OOSP3: variants seen among roughly 807,000 people sequenced by gnomAD.
OOSP3 encodes the protein oocyte-secreted protein 3.
At chr11:59,887,130 T>G (rs114532637) in intron 2 of OOSP3, among the ~76,000 whole-genome samples, 4,213 of 151,990 alleles carry the variant, frequency 0.028, 200 homozygotes, top group African/African-American at 0.092. Context: ...TGTTGTTTTT[T>G]TTTTTGTAAA....
intron 3 of OOSP3, 50 bp downstream of exon 3, chr11:59,894,226 G>T: frequency 2.5e-6 from 1 of 398,146 alleles, no homozygotes; most frequent in South Asian, 1.3e-4. Flanking sequence ...AAGAACTAAT[G>T]AAAAGGAAAA....
chr11:59,879,856 C>T (rs543683308), intron 1 of OOSP3, among the ~76,000 whole-genome samples: 4 of 152,242 alleles, frequency 2.6e-5, no homozygotes, highest in African/African-American at 9.6e-5. Context: ...GGATGAGAGT[C>T]AGAGGCCATA....
intron 1 of OOSP3, 96 bp downstream of exon 1, chr11:59,878,977 CA>C (rs1229337816): frequency 2.5e-6 from 1 of 397,220 alleles, no homozygotes; most frequent in East Asian, 3.6e-5. Flanking sequence ...AGTGACTTTC[CA>C]GTATAGTTTT....
chr11:59,882,575 A>C (rs1853214872), intron 2 of OOSP3, among the ~76,000 whole-genome samples: 1 of 152,192 alleles, frequency 6.6e-6, no homozygotes, highest in Non-Finnish European at 1.5e-5. Flanking sequence ...AAAGGGCAGG[A>C]TCTAGAATTT....
chr11:59,878,796 G>A (rs1853176123), upstream of OOSP3: 1 of 398,366 alleles, frequency 2.5e-6, no homozygotes, highest in South Asian at 1.3e-4. Flanking sequence ...GTCATTAGTT[G>A]GCAGCTGACG....
At chr11:59,895,285 C>CTT (rs763923971) in intron 3 of OOSP3, among the ~76,000 whole-genome samples, 3 of 121,840 alleles carry the variant, frequency 2.5e-5, no homozygotes, top group African/African-American at 6.0e-5. Flanking sequence ...TATGGTAGGA[C>CTT]TTTTTTTTTT....
chr11:59,878,805 C>T (rs931324547), upstream of OOSP3: 60 of 398,504 alleles, frequency 1.5e-4, no homozygotes, highest in East Asian at 1.4e-3. Context: ...TGGCAGCTGA[C>T]GTCATGAAAG....
rs544092651 is a variant in OOSP3, at chr11:59,887,104, T to C, written c.252+6665T>C. Among the ~76,000 whole-genome samples the C allele has an allele frequency of 2.7e-5, 4 of 150,838 alleles. No individual in the cohort carries two copies. In the South Asian group the frequency reaches 8.3e-4, roughly 31 times the overall value. On this transcript the variant is annotated intron_variant, in intron 2 of 4. Coordinates refer to ENST00000646438, the Ensembl canonical transcript of OOSP3. The stretch of plus-strand genomic sequence containing the variant: ...GCCACCACACCCCTTTGCCCACTTT[T>C]TAATGGTTTTTTTTTTGTTGTTTTT...
exon 5 of OOSP3, chr11:59,896,256 CTTAAAAT>C (rs758861283): frequency 2.8e-5 from 11 of 398,076 alleles, no homozygotes; most frequent in Non-Finnish European, 4.9e-5. Flanking sequence ...CTACAGCTTA[CTTAAAAT>C]TTAATTTTTG....
intron 2 of OOSP3, among the ~76,000 whole-genome samples, chr11:59,887,941 G>A (rs530768535): frequency 6.6e-6 from 1 of 152,224 alleles, no homozygotes; most frequent in South Asian, 2.1e-4. Context: ...AGCATGGAAT[G>A]TTTTTTTCAT....
chr11:59,882,488 T>C (rs1853213361), intron 2 of OOSP3, among the ~76,000 whole-genome samples: 1 of 152,200 alleles, frequency 6.6e-6, no homozygotes, highest in South Asian at 2.1e-4. Context: ...CTTTGAGTTT[T>C]ATGAGTCAAA....
intron 2 of OOSP3, 82 bp from the exon 3 acceptor site, chr11:59,893,997 T>C (rs1036842187): frequency 5.0e-6 from 2 of 396,942 alleles, no homozygotes; most frequent in Non-Finnish European, 8.9e-6. Context: ...TTACATCTTA[T>C]CTTGATCTGT....
intron 2 of OOSP3, among the ~76,000 whole-genome samples, chr11:59,883,635 A>G (rs773011205): frequency 4.0e-4 from 61 of 152,326 alleles, no homozygotes; most frequent in Non-Finnish European, 7.8e-4. Flanking sequence ...ATTTTTCTGA[A>G]TGAATAACAA....
At chr11:59,893,376 A>G (rs991234493) in intron 2 of OOSP3, among the ~76,000 whole-genome samples, 2 of 151,786 alleles carry the variant, frequency 1.3e-5, no homozygotes, top group African/African-American at 4.8e-5. Flanking sequence ...TTCTTTTTTG[A>G]CAGAGTCTTG....
intron 2 of OOSP3, among the ~76,000 whole-genome samples, chr11:59,893,216 T>G (rs1475047852): frequency 6.6e-6 from 1 of 152,224 alleles, no homozygotes; most frequent in Admixed American, 6.5e-5. Context: ...ATGAGAATAT[T>G]TGTTGCATTA....
At chr11:59,893,365 T>A (rs920762120) in intron 2 of OOSP3, among the ~76,000 whole-genome samples, 3 of 152,212 alleles carry the variant, frequency 2.0e-5, no homozygotes, top group African/African-American at 7.2e-5. Context: ...GTGGCTTTTT[T>A]TTCTTTTTTG....
At chr11:59,887,719 G>A (rs1348333270) in intron 2 of OOSP3, among the ~76,000 whole-genome samples, 3 of 152,160 alleles carry the variant, frequency 2.0e-5, no homozygotes, top group African/African-American at 7.2e-5. Flanking sequence ...ATAGTTTGAG[G>A]TTTTGTAGCA....
intron 2 of OOSP3, among the ~76,000 whole-genome samples, chr11:59,884,471 G>GTC (rs1853232583): frequency 1.4e-4 from 14 of 100,124 alleles, no homozygotes; most frequent in Admixed American, 7.8e-4. Flanking sequence ...CTGTCTGTCT[G>GTC]TCTGTCTCTC....
rs1212462257 is a variant in OOSP3 at position 59,896,150 on chromosome 11, GTCACT to G, written c.522_526del (p.Leu175ThrfsTer2). Reference sequence around the variant, plus strand: ...CTCTGTAGGTAGAGGCATCTCATCAGTCACTTCTACTTAATATGTCTCATCCATTA... The same window carrying G: ...CTCTGTAGGTAGAGGCATCTCATCAGTCTACTTAATATGTCTCATCCATTA... On this transcript the variant is annotated frameshift_variant, in exon 5 of 5. Transcript: ENST00000646438. LOFTEE classifies it high-confidence loss of function. 3 of 398,294 alleles carry G rather than the reference GTCACT, an allele frequency of 7.5e-6. No homozygotes were observed. The highest frequency in any genetic ancestry group is 1.3e-5 in the Non-Finnish European group (3 of 225,938). 24.7% of individuals were successfully genotyped at this position (398,294 alleles called of 1,614,324 possible).
Sources: allele counts gnomAD v4.1 joint callset (sites outside exome capture counted in the v4.1 genomes callset), GRCh38; gene constraint gnomAD v4.1.1; transcripts MANE v1.5; gene names NCBI Gene and HGNC (gene_info 2026-07-23, HGNC 2026-07-21).